ZNF609: variants seen among roughly 807,000 people sequenced by gnomAD.
ZNF609 encodes the protein zinc finger protein 609.
A neutral mutation model predicts 109.5 loss-of-function variants in ZNF609; 11 were observed. The ratio of observed to expected loss-of-function variants is 0.10; its 90% CI spans 0.06 to 0.17. ZNF609 has a LOEUF of 0.17. ZNF609 is among the 10% of genes least tolerant of loss of function. ZNF609 has a pLI of 1.00. For missense variants in ZNF609, 1,559 were observed against 1,772.4 expected, an observed-to-expected ratio of 0.88 and a Z score of 2.16; for synonymous variants, 646 against 662.0, an observed-to-expected ratio of 0.98 and a Z score of 0.37.
intron 2 of ZNF609, among the ~76,000 whole-genome samples, chr15:64,593,797 A>G (rs1370488489): frequency 6.6e-6 from 1 of 152,196 alleles, no homozygotes; most frequent in Non-Finnish European, 1.5e-5. Context: ...CTGGGATTAC[A>G]GGTGTAAGCC....
At chr15:64,504,928 G>A (rs1057368764) in intron 2 of ZNF609, among the ~76,000 whole-genome samples, 6 of 151,746 alleles carry the variant, frequency 4.0e-5, no homozygotes, top group South Asian at 2.1e-4. Context: ...CAAGTAGCTG[G>A]GACTACAAGT....
At chr15:64,467,672 C>T (rs1210831018) in intron 1 of ZNF609, among the ~76,000 whole-genome samples, 2 of 152,270 alleles carry the variant, frequency 1.3e-5, no homozygotes, top group East Asian at 1.9e-4. Context: ...TGGTGAAATC[C>T]TGTCTCTACT....
chr15:64,646,511 G>A (rs1217706467), intron 3 of ZNF609, among the ~76,000 whole-genome samples: 1 of 150,798 alleles, frequency 6.6e-6, no homozygotes, highest in East Asian at 2.0e-4. Flanking sequence ...GCACACACCT[G>A]TAACCCTAGC....
At chr15:64,585,920 A>C (rs1484224748) in intron 2 of ZNF609, among the ~76,000 whole-genome samples, 1 of 152,092 alleles carries the variant, frequency 6.6e-6, no homozygotes, top group East Asian at 1.9e-4. Context: ...ATCATGGCTC[A>C]TTGCCACCTC....
chr15:64,606,990 C>G (rs1247510212), intron 2 of ZNF609, among the ~76,000 whole-genome samples: 2 of 151,562 alleles, frequency 1.3e-5, no homozygotes, highest in Non-Finnish European at 2.9e-5. Context: ...ATTAGAAATA[C>G]AAAATTAGCC....
intron 2 of ZNF609, among the ~76,000 whole-genome samples, chr15:64,571,788 G>C (rs1595722336): frequency 6.6e-6 from 1 of 152,248 alleles, no homozygotes; most frequent in East Asian, 1.9e-4. Context: ...TCCTGCCTCA[G>C]CCTCCCAAGT....
intron 3 of ZNF609, among the ~76,000 whole-genome samples, chr15:64,627,913 G>A (rs1445584416): frequency 6.7e-6 from 1 of 150,038 alleles, no homozygotes; most frequent in Non-Finnish European, 1.5e-5. Context: ...TCCCACCTCA[G>A]CCTCCCAAAG....
At chr15:64,653,894 A>G (rs1896451963) in intron 3 of ZNF609, among the ~76,000 whole-genome samples, 1 of 152,196 alleles carries the variant, frequency 6.6e-6, no homozygotes, top group African/African-American at 2.4e-5. Flanking sequence ...CAAAGTCACC[A>G]ACTTGCTAGG....
At chr15:64,552,809 T>A (rs1359197900) in intron 2 of ZNF609, among the ~76,000 whole-genome samples, 1 of 152,102 alleles carries the variant, frequency 6.6e-6, no homozygotes, top group East Asian at 1.9e-4. Context: ...CAACCGTGCC[T>A]GACTAATTTT....
chr15:64,678,881 C>T (rs533375218), intron 6 of ZNF609, among the ~76,000 whole-genome samples: 4 of 152,278 alleles, frequency 2.6e-5, no homozygotes, highest in South Asian at 2.1e-4. Flanking sequence ...CTTCCACTCC[C>T]GGAGCTTACA....
chr15:64,584,427 A>G (rs529928964), intron 2 of ZNF609, among the ~76,000 whole-genome samples: 1 of 152,112 alleles, frequency 6.6e-6, no homozygotes, highest in East Asian at 1.9e-4. Flanking sequence ...CAGCCTCCCA[A>G]GAAGCTGGAA....
intron 2 of ZNF609, among the ~76,000 whole-genome samples, chr15:64,607,983 C>A (rs554348549): frequency 6.7e-6 from 1 of 149,646 alleles, no homozygotes; most frequent in Non-Finnish European, 1.5e-5. Flanking sequence ...ACTGCAACCC[C>A]CTCCTCCTGG....
chr15:64,667,908 C>T (rs770684598), intron 3 of ZNF609, among the ~76,000 whole-genome samples: 3 of 152,082 alleles, frequency 2.0e-5, no homozygotes, highest in Non-Finnish European at 4.4e-5. Flanking sequence ...CCCAACCAGC[C>T]TTATGAAAGG....
intron 1 of ZNF609, among the ~76,000 whole-genome samples, chr15:64,483,137 C>G (rs1455071053): frequency 6.6e-6 from 1 of 151,966 alleles, no homozygotes; most frequent in African/African-American, 2.4e-5. Flanking sequence ...CTCTTATCAC[C>G]CAGGCTGGAG....
intron 2 of ZNF609, among the ~76,000 whole-genome samples, chr15:64,576,710 G>A (rs1037884083): frequency 2.6e-4 from 39 of 150,648 alleles, no homozygotes; most frequent in South Asian, 8.4e-4. Context: ...AGACTGAAGC[G>A]AATGGATCAC....
intron 2 of ZNF609, among the ~76,000 whole-genome samples, chr15:64,562,281 T>G (rs1258932579): frequency 6.6e-6 from 1 of 152,254 alleles, no homozygotes; most frequent in Non-Finnish European, 1.5e-5. Flanking sequence ...AGAATAGTTA[T>G]CATTTATTTT....
chr15:64,554,409 G>A (rs1308689530), intron 2 of ZNF609, among the ~76,000 whole-genome samples: 1 of 152,152 alleles, frequency 6.6e-6, no homozygotes, highest in Non-Finnish European at 1.5e-5. Context: ...GGGAGGCCAA[G>A]GCAGGCAGAT....
chr15:64,674,992 A>T lies in ZNF609; in HGVS notation c.2138A>T (p.Glu713Val). 1 of 1,614,068 alleles carries T rather than the reference A, an allele frequency of 6.2e-7. No homozygotes were observed. Among genetic ancestry groups the T allele is most frequent in the African/African-American group, 1.3e-5 (1 of 75,038 alleles). Residue 713 changes from glutamate to valine, a missense_variant, in exon 5 of 10, where the codon GAA becomes GTA. Glu to Val is a moderately radical substitution (Grantham distance 121, BLOSUM62 -2). Around this residue, in one of 4 missense-constraint regions of ZNF609, gnomAD observed 1,204 missense variants for 1,314.1 expected, o/e 0.92. Transcript: ENST00000326648. The part of the protein sequence containing the change: ...PIQPKPTVMG[E>V]PFTVNPALTP... The stretch of plus-strand genomic sequence containing the variant: ...CAGCCCAAGCCCACTGTTATGGGAG[A>T]ACCTTTCACAGTCAACCCTGCCTTG...
At chr15:64,679,944 G>A (rs1001465370) in intron 6 of ZNF609, among the ~76,000 whole-genome samples, 7 of 152,194 alleles carry the variant, frequency 4.6e-5, no homozygotes, top group Non-Finnish European at 8.8e-5. Context: ...TCAAAGAACA[G>A]TATCAGATCT....
Sources: allele counts gnomAD v4.1 joint callset (sites outside exome capture counted in the v4.1 genomes callset), GRCh38; gene constraint gnomAD v4.1.1; regional missense constraint gnomAD v4.1.1; transcripts MANE v1.5; gene names NCBI Gene and HGNC (gene_info 2026-07-23, HGNC 2026-07-21).